PTPRD: variants seen among roughly 807,000 people sequenced by gnomAD.
PTPRD encodes the protein protein tyrosine phosphatase receptor type D, also known as receptor-type tyrosine-protein phosphatase delta.
A neutral mutation model predicts 214.5 loss-of-function variants in PTPRD; 34 were observed. That is an observed-to-expected ratio of 0.16 (90% confidence interval 0.12 to 0.21). PTPRD has a LOEUF of 0.21. Among genes scored for constraint, PTPRD ranks in the 10% least tolerant of loss-of-function variants. PTPRD has a pLI of 1.00. For missense variants in PTPRD, 2,545 were observed against 2,398.7 expected (o/e 1.06, Z -1.27); for synonymous variants, 1,128 against 845.7 (o/e 1.33, Z -5.79).
At chr9:10,045,754 C>T (rs1377265970) in intron 3 of PTPRD, among the ~76,000 whole-genome samples, 3 of 151,664 alleles carry the variant, frequency 2.0e-5, no homozygotes, top group Non-Finnish European at 3.0e-5. Context: ...GATAACATAT[C>T]TCATAACAAA....
chr9:10,284,782 G>GAC (rs1216652412), intron 3 of PTPRD, among the ~76,000 whole-genome samples: 2 of 142,230 alleles, frequency 1.4e-5, no homozygotes, highest in African/African-American at 6.2e-5. Context: ...GCCAGGAGGA[G>GAC]AGAGAGAGAG....
At chr9:8,655,276 T>C (rs1397474231) in intron 12 of PTPRD, among the ~76,000 whole-genome samples, 7 of 152,296 alleles carry the variant, frequency 4.6e-5, no homozygotes, top group South Asian at 2.1e-4. Flanking sequence ...AACTTCTGCT[T>C]TCCTCCCCTG....
At chr9:10,401,800 C>G (rs1198909832) in intron 2 of PTPRD, among the ~76,000 whole-genome samples, 1 of 150,560 alleles carries the variant, frequency 6.6e-6, no homozygotes, top group African/African-American at 2.4e-5. Flanking sequence ...CATATGTGTC[C>G]TACCCCCATA....
intron 10 of PTPRD, among the ~76,000 whole-genome samples, chr9:9,097,502 G>A (rs894438764): frequency 4.6e-5 from 7 of 151,414 alleles, no homozygotes; most frequent in African/African-American, 9.7e-5. Flanking sequence ...TCTGCCGCCC[G>A]GATTCAAGCC....
chr9:8,526,669 T>G (rs1325644760), intron 16 of PTPRD, 25 bp from the exon 17 acceptor site: 1 of 1,572,828 alleles, frequency 6.4e-7, no homozygotes, highest in East Asian at 2.3e-5. Context: ...TGAATGCAAA[T>G]AAGATTAGAA....
At chr9:8,447,451 A>T (rs2095776566) in intron 34 of PTPRD, among the ~76,000 whole-genome samples, 1 of 152,220 alleles carries the variant, frequency 6.6e-6, no homozygotes, top group Admixed American at 6.5e-5. Context: ...AAATGGATAT[A>T]ATATTCCCAA....
chr9:9,746,676 G>T (rs922380560), intron 6 of PTPRD, among the ~76,000 whole-genome samples: 6 of 152,154 alleles, frequency 3.9e-5, no homozygotes, highest in African/African-American at 1.4e-4. Context: ...GCATAGAAAA[G>T]ATGAAACACA....
chr9:9,552,271 A>G (rs926333261), intron 8 of PTPRD, among the ~76,000 whole-genome samples: 4 of 152,038 alleles, frequency 2.6e-5, no homozygotes, highest in African/African-American at 9.7e-5. Flanking sequence ...CATAAAGAGT[A>G]TTGAAGAAGG....
intron 14 of PTPRD, among the ~76,000 whole-genome samples, chr9:8,559,936 T>A (rs2085496707): frequency 1.3e-5 from 2 of 152,192 alleles, no homozygotes; most frequent in Admixed American, 6.5e-5. Context: ...TTGAAAACCT[T>A]TGTGTATCTC....
chr9:9,123,259 T>C (rs1323850746), intron 10 of PTPRD, among the ~76,000 whole-genome samples: 1 of 152,218 alleles, frequency 6.6e-6, no homozygotes, highest in Non-Finnish European at 1.5e-5. Flanking sequence ...AAAAATGCAA[T>C]TCTGGTATTG....
chr9:10,457,246 G>A (rs987916352), intron 2 of PTPRD, among the ~76,000 whole-genome samples: 1 of 151,764 alleles, frequency 6.6e-6, no homozygotes, highest in African/African-American at 2.4e-5. Flanking sequence ...ATTTTTATAT[G>A]TGTATATACC....
intron 3 of PTPRD, among the ~76,000 whole-genome samples, chr9:10,098,012 T>C (rs1169069695): frequency 6.6e-6 from 1 of 151,820 alleles, no homozygotes; most frequent in Non-Finnish European, 1.5e-5. Context: ...CAAAGGATTA[T>C]AAATCATGCT....
At chr9:8,870,997 G>A (rs1337891441) in intron 11 of PTPRD, among the ~76,000 whole-genome samples, 3 of 152,148 alleles carry the variant, frequency 2.0e-5, no homozygotes, top group Non-Finnish European at 2.9e-5. Context: ...CAGACATCCC[G>A]TTTGAGACCA....
intron 3 of PTPRD, among the ~76,000 whole-genome samples, chr9:10,085,294 C>A (rs574145608): frequency 2.6e-5 from 4 of 151,758 alleles, no homozygotes; most frequent in Non-Finnish European, 2.9e-5. Flanking sequence ...GCCAAGATAA[C>A]CGATTATTTT....
chr9:10,372,273 T>C (rs1386182540), intron 2 of PTPRD, among the ~76,000 whole-genome samples: 1 of 152,116 alleles, frequency 6.6e-6, no homozygotes, highest in Non-Finnish European at 1.5e-5. Context: ...TATGATAAAT[T>C]ATTCATATCA....
chr9:9,026,073 TATTGTGGTAGTGA>T (rs2099586007), intron 10 of PTPRD, among the ~76,000 whole-genome samples: 1 of 151,462 alleles, frequency 6.6e-6, no homozygotes, highest in Non-Finnish European at 1.5e-5. Flanking sequence ...TAAAACAGGG[TATTGTGGTAGTGA>T]ATGGGCAGCA....
At chr9:8,839,584 C>T (rs572053576) in intron 11 of PTPRD, among the ~76,000 whole-genome samples, 3 of 152,168 alleles carry the variant, frequency 2.0e-5, no homozygotes, top group Admixed American at 2.0e-4. Flanking sequence ...CTTGGCCTCC[C>T]AAAGTGCTGG....
intron 11 of PTPRD, among the ~76,000 whole-genome samples, chr9:8,854,108 A>G (rs982881675): frequency 3.3e-5 from 5 of 151,644 alleles, no homozygotes; most frequent in Admixed American, 3.3e-4. Flanking sequence ...TAAGTTGAGT[A>G]CACTACATAA....
chr9:9,988,869 A>T (rs1202380431), intron 4 of PTPRD, among the ~76,000 whole-genome samples: 1 of 151,926 alleles, frequency 6.6e-6, no homozygotes, highest in African/African-American at 2.4e-5. Flanking sequence ...TCCATCAGGA[A>T]AAATAAACAA....
Sources: allele counts gnomAD v4.1 joint callset (sites outside exome capture counted in the v4.1 genomes callset), GRCh38; gene constraint gnomAD v4.1.1; transcripts MANE v1.5; gene names NCBI Gene and HGNC (gene_info 2026-07-23, HGNC 2026-07-21).